KAZN: variants seen among roughly 807,000 people sequenced by gnomAD.
KAZN encodes kazrin.
Under a neutral mutation model 87.4 loss-of-function variants are expected in KAZN, and 40 were observed. The observed-to-expected ratio is 0.46, with a 90% CI of 0.36 to 0.60. The LOEUF (loss-of-function observed/expected upper bound fraction) is 0.60, where lower values mean the gene tolerates loss of function less well. KAZN is among the 20% of genes least tolerant of loss of function. The pLI, the probability that KAZN is intolerant of heterozygous loss-of-function variation, is 0.00. For synonymous variants in KAZN, 466 were observed against 458.3 expected (o/e 1.02, Z -0.22); for missense variants, 898 against 1,073.9 (o/e 0.84, Z 2.29).
intron 2 of KAZN, among the ~76,000 whole-genome samples, chr1:14,587,348 A>ATT (rs1429902489): frequency 6.6e-6 from 1 of 151,244 alleles, no homozygotes; most frequent in Non-Finnish European, 1.5e-5. Context: ...AGGCAGGAAA[A>ATT]TTGCTTTAAC....
intron 1 of KAZN, among the ~76,000 whole-genome samples, chr1:14,904,275 G>A (rs998932660): frequency 5.5e-5 from 8 of 146,014 alleles, no homozygotes; most frequent in African/African-American, 1.0e-4. Flanking sequence ...ACTGCAGTCC[G>A]GCCTGGGCGA....
chr1:14,287,498 T>C (rs1653347687), intron 2 of KAZN, among the ~76,000 whole-genome samples: 1 of 152,204 alleles, frequency 6.6e-6, no homozygotes, highest in Non-Finnish European at 1.5e-5. Flanking sequence ...TATTGGTGTA[T>C]AGGAATGCTT....
chr1:15,112,328 AATGTGT>A (rs1399778584), intron 13 of KAZN, 93 bp from the exon 14 acceptor site: 4 of 671,260 alleles, frequency 6.0e-6, no homozygotes, highest in South Asian at 3.4e-5. Flanking sequence ...CATTGTCACC[AATGTGT>A]GTGTGTGTGT....
intron 1 of KAZN, among the ~76,000 whole-genome samples, chr1:14,695,510 CTT>C (rs112667110): frequency 5.2e-4 from 44 of 84,952 alleles, no homozygotes; most frequent in Non-Finnish European, 5.5e-4. Context: ...TACATTCCAT[CTT>C]TTTTTTTTTT....
chr1:14,928,863 C>T (rs74059666), intron 1 of KAZN, among the ~76,000 whole-genome samples: 7,650 of 152,162 alleles, frequency 0.05, 644 homozygotes, highest in African/African-American at 0.17. Context: ...ACCTGTGGTC[C>T]GGCACCCTCT....
chr1:15,048,655 CGGTCCTGGGTCGCTGGTCCTGGGTCGTT>C (rs1673883614), intron 4 of KAZN, among the ~76,000 whole-genome samples: 1 of 88,324 alleles, frequency 1.1e-5, no homozygotes, highest in South Asian at 3.9e-4. Flanking sequence ...CCTGGGTCGT[CGGTCCTGGGTCGCTGGTCCTGGGTCGTT>C]GGTCCTGGGT....
chr1:15,112,328 AATGTGTGT>A (rs752586617), intron 13 of KAZN, 91 bp from the exon 14 acceptor site: 1 of 671,262 alleles, frequency 1.5e-6, no homozygotes, highest in East Asian at 2.9e-5. Context: ...CATTGTCACC[AATGTGTGT>A]GTGTGTGTGT....
intron 1 of KAZN, among the ~76,000 whole-genome samples, chr1:13,995,219 C>CAAAAAAAAAAAAAA (rs113600200): frequency 0.075 from 7,840 of 105,104 alleles, 391 homozygotes; most frequent in Middle Eastern, 0.11. Flanking sequence ...TGCAATAAGG[C>CAAAAAAAAAAAAAA]AAAAAAAAAA....
At chr1:14,674,777 G>C (rs1572193700) in intron 1 of KAZN, among the ~76,000 whole-genome samples, 1 of 151,824 alleles carries the variant, frequency 6.6e-6, no homozygotes, top group African/African-American at 2.4e-5. Context: ...ATTTTATCTT[G>C]TTTTCTTTTC....
chr1:14,647,193 G>A (rs750477939), intron 1 of KAZN, among the ~76,000 whole-genome samples: 5 of 152,050 alleles, frequency 3.3e-5, no homozygotes, highest in Admixed American at 6.5e-5. Context: ...ATCATACCCC[G>A]GGGCGCAGTT....
intron 2 of KAZN, among the ~76,000 whole-genome samples, chr1:14,337,614 G>A (rs145395778): frequency 3.3e-5 from 5 of 152,254 alleles, no homozygotes; most frequent in African/African-American, 1.2e-4. Flanking sequence ...AAGCCTCCTT[G>A]GCTGGGTGCG....
rs542550245 is a variant in KAZN, at chr1:14,476,070, A to G, written c.250-122913A>G. On this transcript the variant is annotated intron_variant, in intron 2 of 16. Transcript: ENST00000636203. The stretch of plus-strand genomic sequence containing the variant: ...ACAGGCAGGTAATAGTACTCTGCCC[A>G]TTGTGCAGATGGGTCATCTGAGGTT... 4.6e-5 allele frequency among the ~76,000 whole-genome samples: 7 copies of G among 152,144 alleles called. No individual in the cohort carries two copies. In the South Asian group the frequency reaches 1.5e-3, roughly 32 times the overall value.
intron 1 of KAZN, among the ~76,000 whole-genome samples, chr1:14,048,673 G>A (rs1642181321): frequency 6.6e-6 from 1 of 152,256 alleles, no homozygotes; most frequent in East Asian, 1.9e-4. Context: ...TCAAAGTGCT[G>A]GGATTACAGG....
intron 1 of KAZN, among the ~76,000 whole-genome samples, chr1:14,930,417 C>T (rs1659678576): frequency 6.6e-6 from 1 of 152,182 alleles, no homozygotes; most frequent in Non-Finnish European, 1.5e-5. Flanking sequence ...TATTCCCTCC[C>T]CTCACAGCAC....
intron 1 of KAZN, among the ~76,000 whole-genome samples, chr1:14,764,577 A>G (rs1335866598): frequency 6.6e-6 from 1 of 152,060 alleles, no homozygotes; most frequent in Non-Finnish European, 1.5e-5. Context: ...TGACCCATGT[A>G]TCTTAAATGC....
chr1:14,373,857 A>C (rs1660698046), intron 2 of KAZN, among the ~76,000 whole-genome samples: 1 of 152,176 alleles, frequency 6.6e-6, no homozygotes, highest in Non-Finnish European at 1.5e-5. Flanking sequence ...TCACTAAGTA[A>C]GATGTAATTT....
At chr1:14,346,660 T>A (rs778022738) in intron 2 of KAZN, among the ~76,000 whole-genome samples, 6 of 152,064 alleles carry the variant, frequency 3.9e-5, no homozygotes, top group Non-Finnish European at 5.9e-5. Flanking sequence ...GATGATTCCC[T>A]TTGCCCAGGA....
rs1049861453 is a variant in KAZN at position 14,999,501 on chromosome 1, T to TCCCC, written c.419-35245_419-35242dup. Among the ~76,000 whole-genome samples, 36 of 74,662 alleles carry TCCCC rather than the reference T, an allele frequency of 4.8e-4. 2 individuals are homozygous for TCCCC. The highest frequency in any genetic ancestry group is 2.5e-3 in the African/African-American group (34 of 13,568). 49.0% of individuals were successfully genotyped at this position (74,662 alleles called of 152,430 possible). Reference sequence around the variant, plus strand: ...CAGCCCCAGGCATTGCCTGCCCCCCTCCCCCCGCCCCGCCATCCAGACCTT... The same window carrying TCCCC: ...CAGCCCCAGGCATTGCCTGCCCCCCTCCCCCCCCCCGCCCCGCCATCCAGACCTT... On this transcript the variant is annotated intron_variant, in intron 2 of 14. Transcript: ENST00000376030.
At chr1:14,269,695 T>C (rs752593203) in intron 2 of KAZN, among the ~76,000 whole-genome samples, 2 of 152,074 alleles carry the variant, frequency 1.3e-5, no homozygotes, top group Non-Finnish European at 2.9e-5. Context: ...GGTTACAATA[T>C]GGAAACTGAA....
Sources: gnomAD v4.1 joint callset for allele counts (sites outside exome capture counted in the v4.1 genomes callset) on GRCh38, gnomAD v4.1.1 for gene constraint, MANE v1.5 for transcripts, NCBI Gene and HGNC (gene_info 2026-07-23, HGNC 2026-07-21) for gene names.